NUP214: variants seen among roughly 807,000 people sequenced by gnomAD.
The protein encoded by NUP214 is nucleoporin 214.
A neutral mutation model predicts 196.2 loss-of-function variants in NUP214; 79 were observed. The ratio of observed to expected loss-of-function variants is 0.40; its 90% CI spans 0.34 to 0.49. The LOEUF (loss-of-function observed/expected upper bound fraction) is 0.49. NUP214 is among the 20% of genes least tolerant of loss of function. The pLI is 0.58. For missense variants in NUP214, 2,468 were observed against 2,539.0 expected, an observed-to-expected ratio of 0.97 and a Z score of 0.60; for synonymous variants, 1,020 against 990.5, an observed-to-expected ratio of 1.03 and a Z score of -0.56.
intron 4 of NUP214, among the ~76,000 whole-genome samples, chr9:131,130,542 A>G (rs1375859783): frequency 1.3e-5 from 2 of 152,220 alleles, no homozygotes; most frequent in East Asian, 1.9e-4. Flanking sequence ...GCAGTAATCT[A>G]TTGAAAAAGC....
At position 131,147,508 on chromosome 9, in the gene NUP214, G is replaced by T. The variant is rs905517810; in HGVS notation, c.1964G>T (p.Ser655Ile). The change falls in exon 14 of 36, where the codon AGT becomes ATT. Residue 655 changes from serine (S) to isoleucine (I), a missense_variant. By Grantham distance (142) the Ser-to-Ile change is moderately radical. Transcript: ENST00000359428. ...PSPSGRSAQGSSSPVPSMVQK... is the reference protein window; with the variant it reads ...PSPSGRSAQGISSPVPSMVQK... ...CAAGCAGGACGATCTGCTCAGGGCA[G>T]TTCAAGCCCAGTGCCCTCAATGGTA... The T allele has an allele frequency of 6.2e-7, 1 of 1,613,938 alleles. No homozygotes were observed. Among genetic ancestry groups the T allele is most frequent in the Non-Finnish European group, 8.5e-7 (1 of 1,179,870 alleles).
At chr9:131,142,699 A>G (rs1165569544) in intron 11 of NUP214, among the ~76,000 whole-genome samples, 1 of 152,256 alleles carries the variant, frequency 6.6e-6, no homozygotes, top group Non-Finnish European at 1.5e-5. Flanking sequence ...AGCTGGTTCC[A>G]TATCTATTGT....
chr9:131,188,489 A>G (rs1378216089), intron 25 of NUP214, among the ~76,000 whole-genome samples: 2 of 152,224 alleles, frequency 1.3e-5, no homozygotes, highest in African/African-American at 4.8e-5. Context: ...GGACTTGCCT[A>G]TTTAAGTTCT....
chr9:131,207,782 G>A (rs1455870297), intron 30 of NUP214, among the ~76,000 whole-genome samples: 2 of 152,252 alleles, frequency 1.3e-5, no homozygotes, highest in Non-Finnish European at 2.9e-5. Flanking sequence ...TCCAGAGAGT[G>A]GAGCCCATCA....
At chr9:131,210,199 G>A (rs1175432764) in intron 30 of NUP214, among the ~76,000 whole-genome samples, 1 of 152,138 alleles carries the variant, frequency 6.6e-6, no homozygotes, top group Non-Finnish European at 1.5e-5. Context: ...TTTAAAATCA[G>A]CAAAAACCAA....
At chr9:131,179,457 G>A (rs1026630525) in intron 24 of NUP214, among the ~76,000 whole-genome samples, 6 of 152,286 alleles carry the variant, frequency 3.9e-5, no homozygotes, top group African/African-American at 1.4e-4. Flanking sequence ...ATCCCCTGTG[G>A]CAAAGGGAAG....
At chr9:131,215,166 G>T (rs765945260) in intron 30 of NUP214, 46 bp from the exon 31 acceptor site, 25 of 1,420,832 alleles carry the variant, frequency 1.8e-5, no homozygotes, top group Non-Finnish European at 2.0e-5. Context: ...GCCATTTCAC[G>T]ATGACCTCTC....
chr9:131,143,418 C>T (rs1018818375), intron 11 of NUP214, among the ~76,000 whole-genome samples: 13 of 151,854 alleles, frequency 8.6e-5, no homozygotes, highest in African/African-American at 2.9e-4. Flanking sequence ...ATTACTGGGT[C>T]TGTTTTTTAC....
At chr9:131,132,226 TCTC>T (rs1274069822) in intron 5 of NUP214, among the ~76,000 whole-genome samples, 1 of 150,926 alleles carries the variant, frequency 6.6e-6, no homozygotes, top group South Asian at 2.1e-4. Context: ...TTCAAGCAGT[TCTC>T]CTGCCTCAGC....
intron 33 of NUP214, 104 bp from the exon 34 acceptor site, chr9:131,230,526 T>G: frequency 2.9e-6 from 4 of 1,374,422 alleles, no homozygotes; most frequent in Non-Finnish European, 4.1e-6. Context: ...CCCTGGATCA[T>G]GAGTGTCGTG....
intron 23 of NUP214, 143 bp from the exon 24 acceptor site, chr9:131,178,168 G>A: frequency 1.6e-6 from 1 of 636,414 alleles, no homozygotes; most frequent in South Asian, 1.9e-5. Context: ...AATGCTGCAA[G>A]AACTACCTAG....
intron 31 of NUP214, among the ~76,000 whole-genome samples, chr9:131,217,846 G>C (rs1271516987): frequency 1.3e-5 from 2 of 152,214 alleles, no homozygotes; most frequent in African/African-American, 2.4e-5. Context: ...GTTGCCTTCT[G>C]TCAGTGGCTG....
At position 131,174,188 on chromosome 9, in the gene NUP214, G is replaced by T. The variant is rs148547448; in HGVS notation, c.3027G>T (p.Val1009=). ...CGTCCTGTAAAGATGACGAGGCAGT[G>T]GTTCAGGCCCCTCGGCACGCCCCCG... ...ARTSCKDDEA[V]VQAPRHAPVV... The change falls in exon 22 of 36, where the codon GTG becomes GTT. Residue 1009 remains valine, a synonymous_variant. Coordinates refer to ENST00000359428, the MANE Select transcript of NUP214 (RefSeq NM_005085.4). 104 of 1,613,782 alleles carry T rather than the reference G, an allele frequency of 6.4e-5. No individual in the cohort carries two copies. The African/African-American group carries it at 1.3e-3, about 21-fold the overall frequency.
chr9:131,230,553 G>T (rs1470601682), intron 33 of NUP214, 77 bp from the exon 34 acceptor site: 4 of 1,566,628 alleles, frequency 2.6e-6, no homozygotes, highest in Admixed American at 1.7e-5. Context: ...GGGACTTACA[G>T]CAGGGGGCTG....
chr9:131,183,677 C>G (rs1310214652), intron 24 of NUP214, among the ~76,000 whole-genome samples: 1 of 152,040 alleles, frequency 6.6e-6, no homozygotes, highest in African/African-American at 2.4e-5. Context: ...AAAGATGTTC[C>G]TCTACTTTAA....
At chr9:131,177,903 C>G (rs1280997972) in intron 23 of NUP214, among the ~76,000 whole-genome samples, 1 of 152,120 alleles carries the variant, frequency 6.6e-6, no homozygotes, top group Non-Finnish European at 1.5e-5. Context: ...TAACACAGAG[C>G]CTGGCACATA....
At chr9:131,220,234 C>T (rs931865901) in intron 31 of NUP214, among the ~76,000 whole-genome samples, 3 of 152,006 alleles carry the variant, frequency 2.0e-5, no homozygotes, top group African/African-American at 7.3e-5. Context: ...TTCGGTCCGC[C>T]AAGATATTCT....
At chr9:131,227,556 GTAAA>G (rs981194478) in intron 32 of NUP214, among the ~76,000 whole-genome samples, 4 of 152,018 alleles carry the variant, frequency 2.6e-5, no homozygotes, top group Non-Finnish European at 5.9e-5. Context: ...CCATCAGGCT[GTAAA>G]TAAATAAAAA....
chr9:131,155,411 TTG>T (rs1159220692), intron 17 of NUP214, among the ~76,000 whole-genome samples: 2 of 152,216 alleles, frequency 1.3e-5, no homozygotes, highest in Non-Finnish European at 2.9e-5. Context: ...AATGCATAGT[TTG>T]TGAAAATTTT....
Sources: allele counts gnomAD v4.1 joint callset (sites outside exome capture counted in the v4.1 genomes callset), GRCh38; gene constraint gnomAD v4.1.1; transcripts MANE v1.5; gene names NCBI Gene and HGNC (gene_info 2026-07-23, HGNC 2026-07-21).